SEC24A: variants seen among roughly 807,000 people sequenced by gnomAD.
The protein encoded by SEC24A is SEC24 homolog A, COPII component.
Under a neutral mutation model 129.4 loss-of-function variants are expected in SEC24A, and 93 were observed. The ratio of observed to expected loss-of-function variants is 0.72; its 90% CI spans 0.61 to 0.85. SEC24A has a LOEUF of 0.85. Ranked by LOEUF, SEC24A falls within the 40% of genes least tolerant of loss-of-function variation. The probability of loss-of-function intolerance (pLI) is 0.00; values close to 1 mark genes in which losing one functional copy is unlikely to be tolerated. For missense variants in SEC24A, 1,264 were observed against 1,307.4 expected (o/e 0.97, Z 0.51); for synonymous variants, 460 against 467.3 (o/e 0.98, Z 0.20).
At chr5:134,651,456 G>A (rs1254035765) in intron 1 of SEC24A, among the ~76,000 whole-genome samples, 1 of 150,708 alleles carries the variant, frequency 6.6e-6, no homozygotes, top group African/African-American at 2.4e-5. Flanking sequence ...CACCACAACC[G>A]GCTAATTTTT....
intron 1 of SEC24A, among the ~76,000 whole-genome samples, chr5:134,650,452 AG>A (rs1202674767): frequency 1.3e-5 from 2 of 152,162 alleles, no homozygotes; most frequent in Non-Finnish European, 2.9e-5. Flanking sequence ...GAAATGTTAA[AG>A]GGATTTGACC....
At chr5:134,699,379 A>G (rs1238237871) in intron 15 of SEC24A, among the ~76,000 whole-genome samples, 1 of 150,762 alleles carries the variant, frequency 6.6e-6, no homozygotes, top group Non-Finnish European at 1.5e-5. Flanking sequence ...GCTCACTGCA[A>G]GCTCCGCCTC....
At chr5:134,710,638 AG>A (rs1194334933) in intron 18 of SEC24A, among the ~76,000 whole-genome samples, 21 of 152,024 alleles carry the variant, frequency 1.4e-4, no homozygotes, top group Non-Finnish European at 2.9e-4. Context: ...AAATGTTTGT[AG>A]GGTTTTTCTT....
intron 9 of SEC24A, 81 bp downstream of exon 9, chr5:134,682,563 AATTTT>A (rs1270834499): frequency 1.5e-6 from 1 of 687,414 alleles, no homozygotes; most frequent in Non-Finnish European, 2.5e-6. Flanking sequence ...CCTGTAACAA[AATTTT>A]ATTTTATTTT....
intron 4 of SEC24A, among the ~76,000 whole-genome samples, chr5:134,673,719 C>T (rs1750955996): frequency 6.6e-6 from 1 of 152,168 alleles, no homozygotes; most frequent in Admixed American, 6.6e-5. Context: ...CTCAGCCTCC[C>T]AAAGTGCTGG....
intron 18 of SEC24A, among the ~76,000 whole-genome samples, chr5:134,711,512 C>G (rs1329162853): frequency 6.6e-6 from 1 of 150,640 alleles, no homozygotes; most frequent in Non-Finnish European, 1.5e-5. Context: ...TGAGATTCTA[C>G]CCCTACAAAA....
intron 1 of SEC24A, among the ~76,000 whole-genome samples, chr5:134,659,582 A>G (rs1351214420): frequency 6.6e-6 from 1 of 151,788 alleles, no homozygotes; most frequent in African/African-American, 2.4e-5. Flanking sequence ...TATGATGGTG[A>G]CTACCACAAA....
At chr5:134,719,012 A>G (rs1164634974) in intron 20 of SEC24A, among the ~76,000 whole-genome samples, 1 of 151,972 alleles carries the variant, frequency 6.6e-6, no homozygotes, top group Non-Finnish European at 1.5e-5. Context: ...TTATAGAATA[A>G]TGATATAAAG....
intron 3 of SEC24A, among the ~76,000 whole-genome samples, chr5:134,671,466 A>G (rs531115948): frequency 1.4e-4 from 21 of 152,146 alleles, no homozygotes; most frequent in Non-Finnish European, 2.5e-4. Context: ...TTCAGATGGT[A>G]TATAATTTTA....
rs996914014 is a variant in SEC24A, at chr5:134,698,820, A to G, written c.2266+763A>G. Among the ~76,000 whole-genome samples, 15 of 151,964 alleles carry G rather than the reference A, an allele frequency of 9.9e-5. 1 individual carries two copies. The highest frequency in any genetic ancestry group is 2.0e-4 in the Admixed American group (3 of 15,246). On this transcript the variant is annotated intron_variant, in intron 15 of 22. Coordinates refer to ENST00000398844, the MANE Select transcript of SEC24A (RefSeq NM_021982.3). ...GCTAATTTTTGTATTTTTAGTAGAGACAGGGTTACACCATGTTGGCCAGGC... is the reference window on the plus strand; with the variant it reads ...GCTAATTTTTGTATTTTTAGTAGAGGCAGGGTTACACCATGTTGGCCAGGC...
At position 134,648,914 on chromosome 5, in the gene SEC24A, G is replaced by T; in HGVS notation, c.-163G>T. 1 of 527,234 alleles carries T rather than the reference G, an allele frequency of 1.9e-6. No homozygotes were observed. The highest frequency in any genetic ancestry group is 3.5e-6 in the Non-Finnish European group (1 of 289,228). The allele number at this position is 527,234 out of a possible 1,614,324, so 32.7% of individuals were successfully genotyped here. ...TAGGCTGTGGCCGCCGGTGGCCTGG[G>T]GAGAGTGCGGCGCCATGCCTCGGGC... is the stretch of plus-strand genomic sequence containing the variant. On this transcript the variant is annotated 5_prime_UTR_variant, in exon 1 of 23. Transcript: ENST00000398844.
chr5:134,649,205 G>C, intron 1 of SEC24A, 32 bp downstream of exon 1: 1 of 1,509,584 alleles, frequency 6.6e-7, no homozygotes, highest in South Asian at 1.2e-5. Context: ...GGCGCAGCCT[G>C]GCCAGGGCTG....
At position 134,677,619 on chromosome 5, in the gene SEC24A, C is replaced by T. The variant is rs963842515; in HGVS notation, c.1254+1494C>T. 3.3e-5 allele frequency among the ~76,000 whole-genome samples: 5 copies of T among 151,678 alleles called. No individual in the cohort carries two copies. In the East Asian group the frequency reaches 9.7e-4, roughly 29 times the overall value. On this transcript the variant is annotated intron_variant, in intron 7 of 22. Coordinates refer to ENST00000398844, the MANE Select transcript of SEC24A (RefSeq NM_021982.3). Reference sequence around the variant, plus strand: ...TTGGGAGGCTGAGGCGGGCAGATCACCTGAGGTCAGGAATTCAAGACCAGC... The same window carrying T: ...TTGGGAGGCTGAGGCGGGCAGATCATCTGAGGTCAGGAATTCAAGACCAGC...
chr5:134,671,948 G>T, intron 4 of SEC24A, 62 bp downstream of exon 4: 1 of 999,712 alleles, frequency 1.0e-6, no homozygotes. Flanking sequence ...ATAATATGTG[G>T]TAATTGTACA....
intron 14 of SEC24A, 38 bp downstream of exon 14, chr5:134,697,284 G>A (rs1244721454): frequency 1.3e-6 from 2 of 1,532,518 alleles, no homozygotes; most frequent in Non-Finnish European, 1.8e-6. Context: ...TCCGTTAAAT[G>A]AATATCAAAA....
At chr5:134,708,938 G>A in intron 18 of SEC24A, 50 bp downstream of exon 18, 3 of 1,544,230 alleles carry the variant, frequency 1.9e-6, no homozygotes, top group Middle Eastern at 1.7e-4. Flanking sequence ...AGGCACTGTG[G>A]CCTACACCTG....
chr5:134,683,503 T>A (rs1751344702), intron 9 of SEC24A, among the ~76,000 whole-genome samples: 1 of 152,198 alleles, frequency 6.6e-6, no homozygotes. Flanking sequence ...CTATGCCTAA[T>A]TTTTTTGTTT....
intron 13 of SEC24A, among the ~76,000 whole-genome samples, chr5:134,696,528 T>G (rs535195487): frequency 2.6e-5 from 4 of 152,242 alleles, no homozygotes; most frequent in Admixed American, 2.0e-4. Flanking sequence ...AGACGGAGTC[T>G]CGCTCTGTTG....
In SEC24A at chr5:134,708,835, G is replaced by A. The variant is rs570559325; in HGVS notation, c.2674G>A (p.Val892Ile). 1.9e-6 allele frequency: 3 copies of A among 1,614,044 alleles called. No individual in the cohort carries two copies. The highest frequency in any genetic ancestry group is 1.7e-5 in the Admixed American group (1 of 59,966). ...AAGTAACCAGCAGCCTGGACTCATG[G>A]TTCCTTTTTCTTTGCGGCTTTTCCC... is the stretch of plus-strand genomic sequence containing the variant. ...VLSNQQPGLM[V>I]PFSLRLFPLF... Residue 892 changes from valine (V) to isoleucine (I), a missense_variant, in exon 18 of 23, where the codon GTT becomes ATT. By Grantham distance (29) the Val-to-Ile change is conservative. Coordinates refer to ENST00000398844, the MANE Select transcript of SEC24A (RefSeq NM_021982.3).
Sources: gnomAD v4.1 joint callset for allele counts (sites outside exome capture counted in the v4.1 genomes callset) on GRCh38, gnomAD v4.1.1 for gene constraint, MANE v1.5 for transcripts, NCBI Gene and HGNC (gene_info 2026-07-23, HGNC 2026-07-21) for gene names.